HM13: variants seen among roughly 807,000 people sequenced by gnomAD.
The protein encoded by HM13 is signal peptide peptidase.
HM13 carries 18 observed loss-of-function variants against 50.0 expected under a neutral mutation model. The ratio of observed to expected loss-of-function variants is 0.36; its 90% CI spans 0.25 to 0.53. The LOEUF is 0.53. HM13 is among the 20% of genes least tolerant of loss of function. The pLI, the probability that HM13 is intolerant of heterozygous loss-of-function variation, is 0.90. For synonymous variants in HM13, 197 were observed against 232.6 expected, an observed-to-expected ratio of 0.85 and a Z score of 1.39; for missense variants, 393 against 552.4, an observed-to-expected ratio of 0.71 and a Z score of 2.89.
At chr20:31,545,275 A>T (rs1180952920) in intron 4 of HM13, among the ~76,000 whole-genome samples, 3 of 152,128 alleles carry the variant, frequency 2.0e-5, no homozygotes, top group African/African-American at 7.2e-5. Flanking sequence ...TGTAAAATGA[A>T]AGTGTTAATC....
chr20:31,525,699 C>T (rs1238281048), intron 1 of HM13, among the ~76,000 whole-genome samples: 1 of 150,934 alleles, frequency 6.6e-6, no homozygotes, highest in African/African-American at 2.4e-5. Flanking sequence ...AGAGAGAGGG[C>T]AGGTAGAGAC....
intron 3 of HM13, chr20:31,539,926 A>G (rs1276665370): frequency 6.6e-6 from 1 of 152,222 alleles, no homozygotes. Context: ...GCCAGCTCTA[A>G]TATGTGTAAA....
intron 1 of HM13, among the ~76,000 whole-genome samples, chr20:31,517,952 C>A (rs976528393): frequency 2.6e-5 from 4 of 151,630 alleles, no homozygotes; most frequent in Non-Finnish European, 5.9e-5. Flanking sequence ...TTTACACATT[C>A]ATTGTATATG....
chr20:31,515,750 T>C (rs1981736480), intron 1 of HM13, among the ~76,000 whole-genome samples: 1 of 152,146 alleles, frequency 6.6e-6, no homozygotes, highest in African/African-American at 2.4e-5. Context: ...TTCTTCCCTA[T>C]ATTAAGCCCT....
intron 2 of HM13, among the ~76,000 whole-genome samples, chr20:31,532,263 G>A (rs1435953770): frequency 6.6e-6 from 1 of 151,922 alleles, no homozygotes; most frequent in African/African-American, 2.4e-5. Context: ...CGTCTCTACT[G>A]AAAATACAAA....
intron 1 of HM13, among the ~76,000 whole-genome samples, chr20:31,521,728 C>CAAAA (rs58104065): frequency 4.5e-5 from 4 of 89,102 alleles, no homozygotes; most frequent in African/African-American, 1.4e-4. Context: ...GACTCCATCT[C>CAAAA]AAAAAAAAAA....
At chr20:31,538,620 C>A in intron 3 of HM13, 1 of 1,224,212 alleles carries the variant, frequency 8.2e-7, no homozygotes, top group Non-Finnish European at 1.0e-6. Context: ...CCATGTTGGG[C>A]TCCTCACACA....
At chr20:31,527,362 GAGCATCTTGCCCC>G in intron 1 of HM13, 109 bp from the exon 2 acceptor site, 1 of 656,336 alleles carries the variant, frequency 1.5e-6, no homozygotes, top group South Asian at 1.9e-5. Flanking sequence ...GGCAAGATCA[GAGCATCTTGCCCC>G]AGGATGAGGC....
At chr20:31,556,044 T>TC (rs1345850989) in intron 8 of HM13, among the ~76,000 whole-genome samples, 3 of 151,314 alleles carry the variant, frequency 2.0e-5, no homozygotes, top group African/African-American at 7.3e-5. Context: ...TCCTTTTTTT[T>TC]TTTTTTTGAG....
intron 11 of HM13, 87 bp from the exon 12 acceptor site, chr20:31,567,991 C>CT: frequency 8.3e-7 from 1 of 1,201,056 alleles, no homozygotes; most frequent in Non-Finnish European, 1.2e-6. Flanking sequence ...GTTCTGCTCT[C>CT]TGCTCCTTGG....
chr20:31,549,451 C>G (rs1983906626), intron 6 of HM13, 119 bp downstream of exon 6: 12 of 1,312,252 alleles, frequency 9.1e-6, no homozygotes, highest in African/African-American at 1.4e-5. Context: ...GGCTGAAGTT[C>G]CGGACCGCAG....
chr20:31,563,838 A>C (rs1984750228), intron 10 of HM13: 1 of 151,922 alleles, frequency 6.6e-6, no homozygotes, highest in South Asian at 2.1e-4. Context: ...GCACTTTGGG[A>C]GGCCAAGGTG....
intron 4 of HM13, chr20:31,548,381 G>GC (rs1358132010): frequency 2.9e-5 from 6 of 209,026 alleles, no homozygotes; most frequent in Non-Finnish European, 9.6e-6. Flanking sequence ...CTACCACAGG[G>GC]CCCCCCACAA....
At chr20:31,554,608 G>A in intron 7 of HM13, 138 bp from the exon 8 acceptor site, 1 of 637,718 alleles carries the variant, frequency 1.6e-6, no homozygotes, top group Non-Finnish European at 2.7e-6. Context: ...CATGAACCCA[G>A]GAGATGGAGC....
chr20:31,520,590 C>T (rs1982097374), intron 1 of HM13, among the ~76,000 whole-genome samples: 2 of 152,304 alleles, frequency 1.3e-5, no homozygotes, highest in East Asian at 1.9e-4. Context: ...AGGTGTGAGC[C>T]ACTGTGCCTG....
intron 2 of HM13, 85 bp downstream of exon 2, chr20:31,527,667 C>A: frequency 2.1e-6 from 2 of 944,132 alleles, no homozygotes; most frequent in Non-Finnish European, 3.3e-6. Context: ...AAGAACCATG[C>A]ATGTTCATTT....
rs558809727 is a variant in HM13 at position 31,547,874 on chromosome 20, A to G, written c.455-1155A>G. ...TTAACTTCTCCTGGAGCTAAGCTGT[A>G]CCCTGCTGCAGTAGATACGATTGTA... On this transcript the variant is annotated intron_variant, in intron 4 of 12. Coordinates refer to ENST00000398174, the MANE Select transcript of HM13 (RefSeq NM_178581.3). 1.4e-5 allele frequency: 14 copies of G among 988,226 alleles called. No individual in the cohort carries two copies. In the South Asian group the frequency reaches 1.8e-4, roughly 13 times the overall value. 61.2% of individuals were successfully genotyped at this position (988,226 alleles called of 1,614,324 possible).
Position 31,549,217 on chromosome 20 carries a change from C to T in HM13, c.551C>T (p.Ala184Val), listed in dbSNP as rs567956206. 2 of 1,614,202 alleles carry T rather than the reference C, an allele frequency of 1.2e-6. No individual in the cohort carries two copies. The highest frequency in any genetic ancestry group is 2.7e-5 in the African/African-American group (2 of 75,050). Reference sequence around the variant, plus strand: ...CCCCGCTTTCCTCAGCACTGGATTGCCAACAACCTTTTTGGCCTGGCCTTC... The same window carrying T: ...CCCCGCTTTCCTCAGCACTGGATTGTCAACAACCTTTTTGGCCTGGCCTTC... ...VWYLLRKHWI[A>V]NNLFGLAFSL... is the part of the protein sequence containing the mutation. Residue 184 changes from alanine to valine, a missense_variant, in exon 6 of 13, where the codon GCC becomes GTC. Ala to Val is a moderately conservative substitution (Grantham distance 64, BLOSUM62 0). This residue lies in a region of HM13 where 214 missense variants were observed against 276.1 expected (regional missense o/e 0.77). Coordinates refer to ENST00000398174, the MANE Select transcript of HM13 (RefSeq NM_178581.3).
chr20:31,564,923 T>C (rs906584684), intron 10 of HM13, among the ~76,000 whole-genome samples: 1 of 150,854 alleles, frequency 6.6e-6, no homozygotes, highest in Non-Finnish European at 1.5e-5. Flanking sequence ...CCCAGCACTT[T>C]GGGAGGCCAA....
Sources: allele counts gnomAD v4.1 joint callset (sites outside exome capture counted in the v4.1 genomes callset), GRCh38; gene constraint gnomAD v4.1.1; regional missense constraint gnomAD v4.1.1; transcripts MANE v1.5; gene names NCBI Gene and HGNC (gene_info 2026-07-23, HGNC 2026-07-21).